The following CHODL variants were observed in gnomAD, a reference collection of about 807,000 sequenced individuals.
The protein encoded by CHODL is chondrolectin, also known as transmembrane protein MT75.
CHODL carries 29 observed loss-of-function variants against 34.5 expected under a neutral mutation model. The ratio of observed to expected loss-of-function variants is 0.84; its 90% CI spans 0.63 to 1.15. The LOEUF is 1.15. Ranked by LOEUF, CHODL falls within the 50% of genes most tolerant of loss-of-function variation. CHODL has a pLI of 0.00. For missense variants in CHODL, 332 were observed against 332.5 expected (o/e 1.00, Z 0.01); for synonymous variants, 125 against 116.1 (o/e 1.08, Z -0.49).
intron 1 of CHODL, among the ~76,000 whole-genome samples, chr21:17,975,777 G>GC (rs1415586390): frequency 6.6e-6 from 1 of 151,816 alleles, no homozygotes; most frequent in East Asian, 1.9e-4. Flanking sequence ...CCCCACCCCT[G>GC]CCCACTCTGC....
At chr21:18,216,740 G>C (rs947730804) in intron 2 of CHODL, among the ~76,000 whole-genome samples, 1 of 152,118 alleles carries the variant, frequency 6.6e-6, no homozygotes, top group Non-Finnish European at 1.5e-5. Flanking sequence ...ATGGTGGAAG[G>C]CAAAAAGGAA....
At chr21:18,265,868 T>C in intron 5 of CHODL, 86 bp from the exon 6 acceptor site, 1 of 1,038,772 alleles carries the variant, frequency 9.6e-7, no homozygotes, top group Non-Finnish European at 1.4e-6. Context: ...CATAAATAAC[T>C]GTCTGAGATA....
intron 2 of CHODL, among the ~76,000 whole-genome samples, chr21:18,118,055 G>C (rs1017263143): frequency 6.6e-6 from 1 of 152,176 alleles, no homozygotes; most frequent in African/African-American, 2.4e-5. Context: ...TAGACCTCAA[G>C]TTGAATTGGG....
intron 2 of CHODL, among the ~76,000 whole-genome samples, chr21:18,210,911 G>A (rs2073765812): frequency 1.3e-5 from 2 of 151,932 alleles, no homozygotes; most frequent in South Asian, 4.1e-4. Flanking sequence ...CATTAAAATG[G>A]CCTTCAAAGT....
chr21:18,018,458 A>C (rs749204419), intron 1 of CHODL, among the ~76,000 whole-genome samples: 10 of 152,030 alleles, frequency 6.6e-5, no homozygotes, highest in Non-Finnish European at 4.4e-5. Context: ...TTCTCACAAA[A>C]TCTGGTCATT....
chr21:18,114,203 A>G (rs907888453), intron 2 of CHODL, among the ~76,000 whole-genome samples: 9 of 152,150 alleles, frequency 5.9e-5, no homozygotes. Flanking sequence ...TAAAGAAAGA[A>G]TGAATAAGAC....
chr21:18,207,762 C>G (rs555000869), intron 2 of CHODL, among the ~76,000 whole-genome samples: 3 of 141,076 alleles, frequency 2.1e-5, no homozygotes, highest in Admixed American at 7.6e-5. Context: ...TTTTTTTCCT[C>G]TAATACTTTA....
At chr21:17,945,962 T>TG (rs1294404214) in intron 1 of CHODL, among the ~76,000 whole-genome samples, 2 of 151,774 alleles carry the variant, frequency 1.3e-5, no homozygotes, top group Admixed American at 1.3e-4. Context: ...AAGTGCTGAA[T>TG]GAAAAAAAAG....
chr21:18,261,003 T>C (rs2074375289), intron 4 of CHODL, among the ~76,000 whole-genome samples: 1 of 152,148 alleles, frequency 6.6e-6, no homozygotes, highest in Non-Finnish European at 1.5e-5. Context: ...CTTAAATTGC[T>C]TGAAGTCAAA....
At chr21:17,953,157 A>G (rs2063472180) in intron 1 of CHODL, among the ~76,000 whole-genome samples, 1 of 152,220 alleles carries the variant, frequency 6.6e-6, no homozygotes, top group Non-Finnish European at 1.5e-5. Context: ...ATATTTGACC[A>G]CAGTGCCCCA....
At chr21:18,070,036 A>ACCC (rs1360966218) in intron 2 of CHODL, among the ~76,000 whole-genome samples, 1 of 30,962 alleles carries the variant, frequency 3.2e-5, no homozygotes, top group Non-Finnish European at 5.8e-5. Context: ...CCCCCCCCCC[A>ACCC]CCCATTTCCT....
chr21:18,060,133 C>A (rs2064640228), intron 2 of CHODL, among the ~76,000 whole-genome samples: 1 of 152,098 alleles, frequency 6.6e-6, no homozygotes, highest in Non-Finnish European at 1.5e-5. Context: ...CTAACCAGTT[C>A]TCTCCTGAAG....
intron 2 of CHODL, among the ~76,000 whole-genome samples, chr21:18,206,954 T>A (rs1334754973): frequency 6.6e-6 from 1 of 152,000 alleles, no homozygotes; most frequent in African/African-American, 2.4e-5. Context: ...GTTACATAGG[T>A]ATACATGTGC....
At chr21:17,972,228 G>A (rs544460321) in intron 1 of CHODL, among the ~76,000 whole-genome samples, 17 of 152,234 alleles carry the variant, frequency 1.1e-4, no homozygotes, top group Admixed American at 2.6e-4. Flanking sequence ...TTGAAAACTG[G>A]CACAAGACAA....
chr21:18,234,177 C>T (rs1404630243), intron 2 of CHODL, among the ~76,000 whole-genome samples: 2 of 152,100 alleles, frequency 1.3e-5, no homozygotes, highest in African/African-American at 4.8e-5. Context: ...CGTTCGAATG[C>T]GCTACTTTTA....
chr21:18,221,975 G>T (rs1233238455), intron 2 of CHODL, among the ~76,000 whole-genome samples: 2 of 152,198 alleles, frequency 1.3e-5, no homozygotes, highest in South Asian at 2.1e-4. Context: ...TATTGGCAGT[G>T]GGGGAGTGGG....
At chr21:18,061,279 G>A (rs559520387) in intron 2 of CHODL, among the ~76,000 whole-genome samples, 10 of 152,236 alleles carry the variant, frequency 6.6e-5, no homozygotes, top group Admixed American at 5.9e-4. Flanking sequence ...TCTGAACTTC[G>A]GAAGTTCAGG....
intron 2 of CHODL, among the ~76,000 whole-genome samples, chr21:18,108,774 A>T (rs1300900241): frequency 6.6e-6 from 1 of 151,958 alleles, no homozygotes; most frequent in African/African-American, 2.4e-5. Context: ...TCACACAAAG[A>T]CGCCTTTATG....
intron 2 of CHODL, among the ~76,000 whole-genome samples, chr21:18,127,672 GTTTTTTTTTTTTTTTTTTTT>G (rs71318127): frequency 1.6e-4 from 11 of 70,006 alleles, no homozygotes; most frequent in South Asian, 1.2e-3. Flanking sequence ...CGTTGCCATT[GTTTTTTTTTTTTTTTTTTTT>G]TTTTTTTTTA....
Sources: allele counts gnomAD v4.1 joint callset (sites outside exome capture counted in the v4.1 genomes callset), GRCh38; gene constraint gnomAD v4.1.1; transcripts MANE v1.5; gene names NCBI Gene and HGNC (gene_info 2026-07-23, HGNC 2026-07-21).